UNC80: variants seen among roughly 807,000 people sequenced by gnomAD.
The protein encoded by UNC80 is unc-80 subunit of NALCN channel complex.
A neutral mutation model predicts 384.6 loss-of-function variants in UNC80; 164 were observed. The observed-to-expected ratio is 0.43, with a 90% CI of 0.38 to 0.49. The LOEUF (loss-of-function observed/expected upper bound fraction) is 0.49, where lower values mean the gene tolerates loss of function less well. UNC80 is among the 20% of genes least tolerant of loss of function. UNC80 has a pLI of 0.00. For missense variants in UNC80, 3,330 were observed against 4,143.0 expected (o/e 0.80, Z 5.39); for synonymous variants, 1,486 against 1,527.8 (o/e 0.97, Z 0.64).
In UNC80 at chr2:209,825,962, T is replaced by C. The variant is rs1167444970; in HGVS notation, c.2387T>C (p.Ile796Thr). The change falls in exon 14 of 65, where the codon ATA becomes ACA. Residue 796 changes from isoleucine to threonine, a missense_variant. Physicochemically the swap from Ile to Thr is moderately conservative, Grantham distance 89. Transcript: ENST00000673920. ...CTTGCTCTAACAATGCTCATCAAAA[T>C]AGTGAAGTCTTTGGGATGTGCCTAT... is the stretch of plus-strand genomic sequence containing the variant. ...HRLALTMLIKIVKSLGCAYGC... is the reference protein window; with the variant it reads ...HRLALTMLIKTVKSLGCAYGC... 1 of 1,550,966 alleles carries C rather than the reference T, an allele frequency of 6.4e-7. No individual in the cohort carries two copies. The highest frequency in any genetic ancestry group is 2.0e-5 in the Admixed American group (1 of 50,974).
At position 209,779,238 on chromosome 2, in the gene UNC80, G is replaced by A. The variant is rs74934974; in HGVS notation, c.600+1679G>A. ...GGGCCTCATCTCCCTCTATCTCACTGGCCTTTCTCTCATTCACTAACCATC... is the reference window on the plus strand; with the variant it reads ...GGGCCTCATCTCCCTCTATCTCACTAGCCTTTCTCTCATTCACTAACCATC... On this transcript the variant is annotated intron_variant, in intron 4 of 64. Transcript: ENST00000673920. 1.4e-3 allele frequency among the ~76,000 whole-genome samples: 217 copies of A among 152,154 alleles called. 2 individuals carry two copies. In the East Asian group the frequency reaches 0.017, roughly 12 times the overall value.
intron 3 of UNC80, 74 bp downstream of exon 3, chr2:209,776,119 C>T: frequency 6.4e-7 from 1 of 1,562,584 alleles, no homozygotes; most frequent in Non-Finnish European, 8.7e-7. Flanking sequence ...ATAACCTGTA[C>T]TGAGTAGTTT....
Position 209,963,175 on chromosome 2 carries a change from G to T in UNC80, c.7805+3468G>T, listed in dbSNP as rs553157852. Among the ~76,000 whole-genome samples the T allele has an allele frequency of 7.9e-5, 12 of 152,202 alleles. No homozygotes were observed. In the South Asian group the frequency reaches 1.2e-3, roughly 16 times the overall value. On this transcript the variant is annotated intron_variant, in intron 51 of 64. Coordinates refer to ENST00000673920, the MANE Select transcript of UNC80 (RefSeq NM_001371986.1). ...TGTCCAACCCAGTGCTGCCAAAGCA[G>T]CTGGATAATAGAATCTGCAAATTCT...
chr2:209,940,340 A>G (rs1456699466), intron 43 of UNC80, among the ~76,000 whole-genome samples: 1 of 152,150 alleles, frequency 6.6e-6, no homozygotes, highest in Non-Finnish European at 1.5e-5. Flanking sequence ...CATAGTGCAT[A>G]TTTTTGTCAA....
chr2:209,929,774 A>C (rs1459864265), intron 36 of UNC80, 97 bp from the exon 37 acceptor site: 2 of 950,038 alleles, frequency 2.1e-6, no homozygotes, highest in East Asian at 3.1e-5. Context: ...CTTTTAAGGC[A>C]AAAAGCAGAG....
At chr2:209,937,707 T>C (rs888930612) in intron 42 of UNC80, 77 bp downstream of exon 42, 5 of 1,159,492 alleles carry the variant, frequency 4.3e-6, no homozygotes, top group South Asian at 1.3e-5. Flanking sequence ...TTTGCCAACT[T>C]TGAGATTTTA....
intron 18 of UNC80, among the ~76,000 whole-genome samples, chr2:209,836,103 G>GAATGAATC (rs2081320500): frequency 6.6e-6 from 1 of 152,124 alleles, no homozygotes; most frequent in Non-Finnish European, 1.5e-5. Flanking sequence ...ATGAATGAAT[G>GAATGAATC]ATTCAATCAA....
chr2:209,819,742 A>G (rs1366706224), intron 12 of UNC80, among the ~76,000 whole-genome samples: 1 of 152,248 alleles, frequency 6.6e-6, no homozygotes, highest in African/African-American at 2.4e-5. Flanking sequence ...GTATTTTACA[A>G]TTATATTTCA....
chr2:209,886,164 T>C (rs2085787814), intron 25 of UNC80, among the ~76,000 whole-genome samples: 1 of 151,896 alleles, frequency 6.6e-6, no homozygotes, highest in African/African-American at 2.4e-5. Context: ...TTTTATTTTT[T>C]ATATTTATTT....
At chr2:209,844,583 T>TTTCC (rs2124828618) in intron 21 of UNC80, among the ~76,000 whole-genome samples, 1 of 149,434 alleles carries the variant, frequency 6.7e-6, no homozygotes, top group African/African-American at 2.5e-5. Flanking sequence ...TCTTTCTTTC[T>TTTCC]TTCCTTTCTT....
chr2:209,960,249 A>G (rs2092548039), intron 51 of UNC80, among the ~76,000 whole-genome samples: 1 of 152,222 alleles, frequency 6.6e-6, no homozygotes, highest in African/African-American at 2.4e-5. Context: ...TGTCCTGGTA[A>G]AAATTCTGAA....
At chr2:209,904,683 T>C in intron 28 of UNC80, 82 bp from the exon 29 acceptor site, 2 of 1,228,546 alleles carry the variant, frequency 1.6e-6, no homozygotes, top group Non-Finnish European at 2.3e-6. Context: ...CATTCTGACT[T>C]CCCATCTTCC....
At chr2:209,974,741 A>G (rs1339434500) in intron 56 of UNC80, among the ~76,000 whole-genome samples, 1 of 152,228 alleles carries the variant, frequency 6.6e-6, no homozygotes. Flanking sequence ...GAAGGCATAT[A>G]TCTTAATAAG....
At chr2:209,948,461 A>C (rs542898407) in intron 47 of UNC80, among the ~76,000 whole-genome samples, 45 of 152,274 alleles carry the variant, frequency 3.0e-4, no homozygotes, top group Non-Finnish European at 4.9e-4. Context: ...TGTTTATCAA[A>C]ATTTGGACAT....
At chr2:209,840,986 T>C (rs2081698455) in intron 20 of UNC80, among the ~76,000 whole-genome samples, 1 of 152,224 alleles carries the variant, frequency 6.6e-6, no homozygotes, top group Non-Finnish European at 1.5e-5. Context: ...GATCTGGTAA[T>C]TTTACAGTGA....
intron 51 of UNC80, among the ~76,000 whole-genome samples, chr2:209,966,858 G>A (rs1262733632): frequency 6.6e-6 from 1 of 152,184 alleles, no homozygotes; most frequent in Non-Finnish European, 1.5e-5. Flanking sequence ...AAGATAACAA[G>A]AGAGGAGGAG....
rs1274916006 is a variant in UNC80, at chr2:209,937,086, C to T, written c.6363+153C>T. Among the ~76,000 whole-genome samples the T allele has an allele frequency of 5.9e-5, 9 of 152,172 alleles. No homozygotes were observed. In the East Asian group the frequency reaches 1.7e-3, roughly 29 times the overall value. Reference sequence around the variant, plus strand: ...ATCTTACTATCAATGGGGCTTTTGACTGGCGACTTCACCTTTCTACCCTTT... The same window carrying T: ...ATCTTACTATCAATGGGGCTTTTGATTGGCGACTTCACCTTTCTACCCTTT... On this transcript the variant is annotated intron_variant, in intron 41 of 64. Transcript: ENST00000673920.
At chr2:209,981,242 T>TA (rs1182949044) in intron 59 of UNC80, among the ~76,000 whole-genome samples, 2 of 152,256 alleles carry the variant, frequency 1.3e-5, no homozygotes, top group African/African-American at 4.8e-5. Context: ...TTGTCATAGA[T>TA]ACTGTGCTAA....
intron 18 of UNC80, among the ~76,000 whole-genome samples, chr2:209,836,872 T>C (rs1319371782): frequency 7.9e-5 from 12 of 152,164 alleles, no homozygotes; most frequent in Non-Finnish European, 8.8e-5. Flanking sequence ...TCAATATTGA[T>C]ACACACCATT....
Sources: allele counts gnomAD v4.1 joint callset (sites outside exome capture counted in the v4.1 genomes callset), GRCh38; gene constraint gnomAD v4.1.1; transcripts MANE v1.5; gene names NCBI Gene and HGNC (gene_info 2026-07-23, HGNC 2026-07-21).